The following RASGRF2 variants were observed in gnomAD, a reference collection of about 807,000 sequenced individuals.
The protein encoded by RASGRF2 is Ras protein specific guanine nucleotide releasing factor 2.
A neutral mutation model predicts 151.0 loss-of-function variants in RASGRF2; 76 were observed. The observed-to-expected ratio is 0.50, with a 90% CI of 0.42 to 0.61. RASGRF2 has a LOEUF of 0.61. Ranked by LOEUF, RASGRF2 falls within the 20% of genes least tolerant of loss-of-function variation. RASGRF2 has a pLI of 0.00. For missense variants in RASGRF2, 1,148 were observed against 1,564.6 expected (o/e 0.73, Z 4.49); for synonymous variants, 504 against 566.5 (o/e 0.89, Z 1.57).
At chr5:81,212,620 G>C in intron 23 of RASGRF2, 57 bp downstream of exon 23, 1 of 1,442,838 alleles carries the variant, frequency 6.9e-7, no homozygotes, top group Non-Finnish European at 9.3e-7. Flanking sequence ...CTGGGAGATG[G>C]GAGCCAAGTT....
At chr5:81,017,712 C>G (rs934340014) in intron 1 of RASGRF2, among the ~76,000 whole-genome samples, 4 of 152,042 alleles carry the variant, frequency 2.6e-5, no homozygotes, top group Admixed American at 2.6e-4. Context: ...TTAAACCTGC[C>G]CATGGGATAG....
chr5:81,137,958 G>A (rs866364692), intron 17 of RASGRF2, among the ~76,000 whole-genome samples: 1 of 152,224 alleles, frequency 6.6e-6, no homozygotes, highest in South Asian at 2.1e-4. Context: ...GAAGTGTGAA[G>A]ATTTATGTTA....
At chr5:81,122,303 T>C (rs916580743) in intron 15 of RASGRF2, among the ~76,000 whole-genome samples, 16 of 152,228 alleles carry the variant, frequency 1.1e-4, no homozygotes, top group Non-Finnish European at 1.9e-4. Context: ...GATATTCTGC[T>C]CGTTCTTACA....
chr5:80,964,996 G>C (rs1213488361), intron 1 of RASGRF2, among the ~76,000 whole-genome samples: 1 of 152,042 alleles, frequency 6.6e-6, no homozygotes, highest in African/African-American at 2.4e-5. Flanking sequence ...GTTCTCTTCA[G>C]CCTGATTTCA....
At chr5:81,070,695 T>C (rs1751747541) in intron 4 of RASGRF2, 114 bp downstream of exon 4, 2 of 828,104 alleles carry the variant, frequency 2.4e-6, no homozygotes, top group South Asian at 3.4e-5. Flanking sequence ...GTTTCTGGGC[T>C]ATGGCTCCCA....
chr5:81,105,425 G>C (rs532775454), intron 12 of RASGRF2, among the ~76,000 whole-genome samples: 1 of 152,226 alleles, frequency 6.6e-6, no homozygotes, highest in Admixed American at 6.5e-5. Context: ...CCTTGTCTGG[G>C]CTCCACTTAA....
chr5:80,973,313 T>A (rs571307863), intron 1 of RASGRF2, among the ~76,000 whole-genome samples: 71 of 152,290 alleles, frequency 4.7e-4, no homozygotes, highest in African/African-American at 1.6e-3. Flanking sequence ...CAAGGACAAT[T>A]CTGAAAGACA....
chr5:80,995,970 G>A (rs1193203240), intron 1 of RASGRF2, among the ~76,000 whole-genome samples: 1 of 152,008 alleles, frequency 6.6e-6, no homozygotes, highest in African/African-American at 2.4e-5. Flanking sequence ...TGGGATTACA[G>A]GTGTGAGACA....
At chr5:80,969,261 C>A (rs1441649044) in intron 1 of RASGRF2, among the ~76,000 whole-genome samples, 1 of 149,180 alleles carries the variant, frequency 6.7e-6, no homozygotes, top group African/African-American at 2.5e-5. Context: ...CTCCTGAGTA[C>A]CTGGGATTAC....
chr5:81,175,297 C>A (rs564754358), intron 17 of RASGRF2, among the ~76,000 whole-genome samples: 11 of 152,280 alleles, frequency 7.2e-5, no homozygotes, highest in Non-Finnish European at 1.6e-4. Context: ...AAGTTATAGA[C>A]CACTTGTAAA....
intron 18 of RASGRF2, among the ~76,000 whole-genome samples, chr5:81,200,699 A>G (rs1200534881): frequency 6.6e-6 from 1 of 152,184 alleles, no homozygotes; most frequent in Admixed American, 6.5e-5. Context: ...GGCCCTTTCA[A>G]TGGAATACAG....
intron 17 of RASGRF2, among the ~76,000 whole-genome samples, chr5:81,159,920 A>G (rs188303996): frequency 1.2e-4 from 19 of 152,276 alleles, no homozygotes; most frequent in African/African-American, 4.3e-4. Context: ...TTCAGAGCAA[A>G]AGTTGATATG....
At chr5:81,176,465 C>T (rs1209615891) in intron 17 of RASGRF2, among the ~76,000 whole-genome samples, 1 of 152,050 alleles carries the variant, frequency 6.6e-6, no homozygotes, top group Non-Finnish European at 1.5e-5. Flanking sequence ...GGAATACATA[C>T]TGTATGTTTA....
intron 12 of RASGRF2, among the ~76,000 whole-genome samples, chr5:81,101,225 C>G (rs528272238): frequency 6.6e-6 from 1 of 152,328 alleles, no homozygotes; most frequent in South Asian, 2.1e-4. Flanking sequence ...ACTAAGTGAA[C>G]TGTATACAGG....
At chr5:81,110,176 C>G (rs1752956550) in intron 13 of RASGRF2, among the ~76,000 whole-genome samples, 1 of 152,180 alleles carries the variant, frequency 6.6e-6, no homozygotes, top group African/African-American at 2.4e-5. Context: ...CTTATTGTAA[C>G]TGTGTCTTCT....
intron 2 of RASGRF2, among the ~76,000 whole-genome samples, chr5:81,043,889 G>A (rs748726691): frequency 1.3e-4 from 20 of 152,166 alleles, no homozygotes; most frequent in Non-Finnish European, 2.2e-4. Flanking sequence ...GCCCTCACTG[G>A]CGCCCTCTTC....
intron 2 of RASGRF2, 104 bp from the exon 3 acceptor site, chr5:81,067,928 C>A: frequency 2.0e-6 from 2 of 1,003,618 alleles, no homozygotes; most frequent in Non-Finnish European, 2.7e-6. Context: ...GCTGAACAAA[C>A]AATGCTCATA....
In RASGRF2 at chr5:80,969,151, G is replaced by A. The variant is rs1370587596; in HGVS notation, c.288+8125G>A. ...TTTTTTTTTTTTTTTTTTTTTTTAA[G>A]TTGGAGTCTCGCTCTGTCACCCAGG... On this transcript the variant is annotated intron_variant, in intron 1 of 26. Coordinates refer to ENST00000265080, the MANE Select transcript of RASGRF2 (RefSeq NM_006909.3). Among the ~76,000 whole-genome samples, 10 of 115,038 alleles carry A rather than the reference G, an allele frequency of 8.7e-5. 1 individual carries two copies. In the East Asian group the frequency reaches 3.0e-3, roughly 35 times the overall value. The allele number at this position is 115,038 out of a possible 152,430, so 75.5% of individuals were successfully genotyped here. A position where few individuals can be genotyped will look rare whatever the true frequency, so the allele number is the denominator to read the frequency against.
chr5:81,092,515 A>G (rs1407594555), intron 9 of RASGRF2, among the ~76,000 whole-genome samples: 4 of 152,186 alleles, frequency 2.6e-5, no homozygotes, highest in Non-Finnish European at 5.9e-5. Flanking sequence ...GAAGTGCTTC[A>G]TTCTTTGAAT....
Sources: gnomAD v4.1 joint callset for allele counts (sites outside exome capture counted in the v4.1 genomes callset) on GRCh38, gnomAD v4.1.1 for gene constraint, MANE v1.5 for transcripts, NCBI Gene and HGNC (gene_info 2026-07-23, HGNC 2026-07-21) for gene names.